ENKUR: variants seen among roughly 807,000 people sequenced by gnomAD.
ENKUR encodes enkurin, TRPC channel interacting protein, also known as enkurin.
In ENKUR, 19 loss-of-function variants were observed where a neutral mutation model predicts 27.6. That is an observed-to-expected ratio of 0.69 (90% CI 0.48 to 1.01). ENKUR has a LOEUF of 1.01. Ranked by LOEUF, ENKUR falls within the 50% of genes least tolerant of loss-of-function variation. The pLI is 0.00. For synonymous variants in ENKUR, 117 were observed against 96.9 expected, an observed-to-expected ratio of 1.21 and a Z score of -1.22; for missense variants, 312 against 310.5, an observed-to-expected ratio of 1.00 and a Z score of -0.04.
chr10:25,033,121 A>G (rs1307485263), intron 2 of ENKUR, among the ~76,000 whole-genome samples: 1 of 152,190 alleles, frequency 6.6e-6, no homozygotes, highest in African/African-American at 2.4e-5. Context: ...AGCAAAAACA[A>G]ACAAAAATCT....
intron 1 of ENKUR, among the ~76,000 whole-genome samples, chr10:25,012,429 C>T (rs1415142793): frequency 6.6e-6 from 1 of 152,184 alleles, no homozygotes; most frequent in Non-Finnish European, 1.5e-5. Flanking sequence ...ACTCAATGCC[C>T]ACCCATGAAA....
rs1850771222 is a variant in ENKUR, at chr10:25,023,709, T to C, written c.38-27840A>G. On this transcript the variant is annotated intron_variant, in intron 2 of 5. Coordinates refer to the ENKUR transcript ENST00000615958. ...TGGATGTACCTCTACTAGATCTAAT[T>C]TGTCGTCTAAAATTAATGAAGACAG... 2.5e-6 allele frequency: 4 copies of C among 1,613,832 alleles called. No individual in the cohort carries two copies. In the South Asian group the frequency reaches 4.4e-5, roughly 18 times the overall value.
chr10:25,061,625 C>T (rs1035774421), intron 1 of ENKUR, among the ~76,000 whole-genome samples: 1 of 152,180 alleles, frequency 6.6e-6, no homozygotes, highest in East Asian at 1.9e-4. Flanking sequence ...CAAACAAAAT[C>T]GGAAAATCAA....
At chr10:25,056,558 G>A (rs752233030) in intron 2 of ENKUR, among the ~76,000 whole-genome samples, 10 of 152,162 alleles carry the variant, frequency 6.6e-5, no homozygotes, top group African/African-American at 1.2e-4. Flanking sequence ...CGTACTTAGC[G>A]TTTAGAAATT....
intron 4 of ENKUR, among the ~76,000 whole-genome samples, chr10:24,988,326 T>A (rs1271783419): frequency 6.9e-6 from 1 of 145,376 alleles, no homozygotes; most frequent in African/African-American, 2.5e-5. Flanking sequence ...GTATATATAT[T>A]TATATATGTG....
chr10:25,053,392 G>A (rs183083649), intron 2 of ENKUR, among the ~76,000 whole-genome samples: 8 of 152,002 alleles, frequency 5.3e-5, no homozygotes, highest in African/African-American at 1.7e-4. Flanking sequence ...CTCAAAAAAC[G>A]TATTCCTCCT....
chr10:25,025,231 A>G (rs1850824919), intron 2 of ENKUR: 1 of 1,614,204 alleles, frequency 6.2e-7, no homozygotes, highest in Non-Finnish European at 8.5e-7. Context: ...CCATTACTCA[A>G]AGTTTGCACC....
At chr10:25,000,078 G>A (rs1055562146) in intron 1 of ENKUR, among the ~76,000 whole-genome samples, 3 of 151,794 alleles carry the variant, frequency 2.0e-5, no homozygotes, top group Non-Finnish European at 2.9e-5. Flanking sequence ...TACTTTTGAT[G>A]TCTTCTTTGA....
chr10:25,015,997 C>A lies in ENKUR; in HGVS notation c.-61G>T. On this transcript the variant is annotated 5_prime_UTR_variant, in exon 1 of 6. Coordinates refer to ENST00000331161, the MANE Select transcript of ENKUR (RefSeq NM_145010.4). ...AACTTTTTTCTCCCTGTCCCAGTAT[C>A]TCCGTCCCTTTCTTCACTGCTTCCC... The A allele has an allele frequency of 6.4e-7, 1 of 1,565,356 alleles. No homozygotes were observed. The highest frequency in any genetic ancestry group is 8.6e-7 in the Non-Finnish European group (1 of 1,156,442).
At chr10:25,059,764 C>T (rs1851305925) in intron 2 of ENKUR, among the ~76,000 whole-genome samples, 1 of 151,726 alleles carries the variant, frequency 6.6e-6, no homozygotes, top group Admixed American at 6.6e-5. Flanking sequence ...TTTGAAACTG[C>T]AATGAGCTAT....
chr10:24,996,193 T>C (rs752375555), intron 2 of ENKUR, among the ~76,000 whole-genome samples: 3 of 152,350 alleles, frequency 2.0e-5, no homozygotes, highest in East Asian at 3.9e-4. Flanking sequence ...CACGGTGACG[T>C]GGGCAGATCG....
intron 2 of ENKUR, chr10:25,025,934 T>G (rs1850842349): frequency 1.2e-5 from 2 of 162,026 alleles, no homozygotes; most frequent in South Asian, 2.1e-4. Context: ...TTGTTTGTTT[T>G]TTGGTGCAGT....
chr10:25,004,853 G>A (rs1850276772), intron 1 of ENKUR, among the ~76,000 whole-genome samples: 3 of 152,276 alleles, frequency 2.0e-5, no homozygotes, highest in Middle Eastern at 3.4e-3. Context: ...TGTCCTGAAT[G>A]GTATTGCCTA....
intron 2 of ENKUR, among the ~76,000 whole-genome samples, chr10:25,055,846 A>AGAGGAATTCAAGCCAGCAACTGATGC (rs1851250332): frequency 6.6e-6 from 1 of 152,170 alleles, no homozygotes; most frequent in Admixed American, 6.5e-5. Context: ...CTTTTCCATT[A>AGAGGAATTCAAGCCAGCAACTGATGC]GAGGAATTCA....
At chr10:25,057,380 T>TACACACACACAC (rs139515865) in intron 2 of ENKUR, among the ~76,000 whole-genome samples, 29 of 117,810 alleles carry the variant, frequency 2.5e-4, no homozygotes, top group African/African-American at 9.5e-4. Flanking sequence ...TGCACTTTGG[T>TACACACACACAC]ACACACACAC....
In ENKUR at chr10:25,010,243, C is replaced by A. The variant is rs145878353; in HGVS notation, c.77+5617G>T. On this transcript the variant is annotated intron_variant, in intron 1 of 5. Transcript: ENST00000331161. ...AGAACTGGAATAAAGGTGACTCTTG[C>A]TATGTTTTAGCAAAGAGACTGGTGG... is the stretch of plus-strand genomic sequence containing the variant. Among the ~76,000 whole-genome samples, 1,134 of 152,226 alleles carry A rather than the reference C, an allele frequency of 7.4e-3. 18 individuals carry two copies. Among genetic ancestry groups the A allele is most frequent in the African/African-American group, 0.025 (1,042 of 41,544 alleles).
intron 2 of ENKUR, among the ~76,000 whole-genome samples, chr10:25,059,025 C>A (rs1317443863): frequency 6.7e-6 from 1 of 149,770 alleles, no homozygotes; most frequent in Non-Finnish European, 1.5e-5. Flanking sequence ...TCACTTCCCT[C>A]CCCACCCACC....
chr10:25,023,363 A>G, intron 2 of ENKUR: 1 of 1,614,184 alleles, frequency 6.2e-7, no homozygotes, highest in Non-Finnish European at 8.5e-7. Flanking sequence ...AAGTCATGGT[A>G]TTCAACCCAC....
chr10:25,032,577 C>T (rs1464184654), intron 2 of ENKUR, among the ~76,000 whole-genome samples: 2 of 152,114 alleles, frequency 1.3e-5, no homozygotes, highest in Non-Finnish European at 2.9e-5. Flanking sequence ...ATACTCCTTT[C>T]CCCCAAACCC....
Sources: gnomAD v4.1 joint callset for allele counts (sites outside exome capture counted in the v4.1 genomes callset) on GRCh38, gnomAD v4.1.1 for gene constraint, MANE v1.5 for transcripts, NCBI Gene and HGNC (gene_info 2026-07-23, HGNC 2026-07-21) for gene names.